CPNE8: variants seen among roughly 807,000 people sequenced by gnomAD.
CPNE8 encodes the protein copine-8.
CPNE8 carries 45 observed loss-of-function variants against 81.5 expected under a neutral mutation model. The ratio of observed to expected loss-of-function variants is 0.55; its 90% CI spans 0.44 to 0.71. CPNE8 has a LOEUF of 0.71. CPNE8 is among the 30% of genes least tolerant of loss of function. The probability of loss-of-function intolerance (pLI) is 0.00; values close to 1 mark genes in which losing one functional copy is unlikely to be tolerated. For synonymous variants in CPNE8, 252 were observed against 226.3 expected (o/e 1.11, Z -1.02); for missense variants, 594 against 672.1 (o/e 0.88, Z 1.28).
intron 13 of CPNE8, among the ~76,000 whole-genome samples, chr12:38,712,625 C>T (rs189512633): frequency 6.6e-6 from 1 of 152,274 alleles, no homozygotes; most frequent in East Asian, 1.9e-4. Context: ...AAGGAACTTA[C>T]TGATATTGAT....
At chr12:38,708,423 CA>C (rs1236784233) in intron 13 of CPNE8, among the ~76,000 whole-genome samples, 4 of 151,602 alleles carry the variant, frequency 2.6e-5, no homozygotes, top group African/African-American at 9.7e-5. Context: ...ACAGAATATT[CA>C]TAAAACAATC....
chr12:38,745,720 T>A (rs986496964), intron 10 of CPNE8, among the ~76,000 whole-genome samples: 1 of 152,072 alleles, frequency 6.6e-6, no homozygotes, highest in Non-Finnish European at 1.5e-5. Flanking sequence ...TTTAAAAAAA[T>A]TATTTGTAGA....
At chr12:38,848,488 AC>A in intron 4 of CPNE8, 70 bp downstream of exon 4, 1 of 1,471,972 alleles carries the variant, frequency 6.8e-7, no homozygotes, top group Non-Finnish European at 9.0e-7. Flanking sequence ...CAACCATAGG[AC>A]CCTGCCTTAC....
chr12:38,718,627 A>G (rs1223530789), intron 13 of CPNE8, among the ~76,000 whole-genome samples: 3 of 152,226 alleles, frequency 2.0e-5, no homozygotes, highest in African/African-American at 4.8e-5. Flanking sequence ...TAGCATTACA[A>G]TTTAGAAATA....
At chr12:38,714,371 G>T (rs60958114) in intron 13 of CPNE8, among the ~76,000 whole-genome samples, 8,397 of 151,910 alleles carry the variant, frequency 0.055, 503 homozygotes, top group East Asian at 0.32. Context: ...ATTTTAGGTA[G>T]ACAATTGTAT....
intron 6 of CPNE8, among the ~76,000 whole-genome samples, chr12:38,781,120 A>G (rs1942044405): frequency 6.6e-6 from 1 of 152,078 alleles, no homozygotes; most frequent in Non-Finnish European, 1.5e-5. Context: ...ATGAGTAAAT[A>G]TGTTTAAAAA....
At chr12:38,704,889 C>A (rs1331116159) in intron 13 of CPNE8, among the ~76,000 whole-genome samples, 1 of 107,936 alleles carries the variant, frequency 9.3e-6, no homozygotes, top group African/African-American at 3.3e-5. Flanking sequence ...TGGTTGTTAC[C>A]CAAACTTATT....
chr12:38,725,838 TA>T (rs34112673), intron 11 of CPNE8, among the ~76,000 whole-genome samples: 135,974 of 152,116 alleles, frequency 0.89, 62,326 homozygotes, highest in East Asian at 1. Flanking sequence ...GTTTGGGTGT[TA>T]ATTTAGTTGA....
intron 10 of CPNE8, among the ~76,000 whole-genome samples, chr12:38,732,998 T>G (rs1940868494): frequency 6.6e-6 from 1 of 151,954 alleles, no homozygotes; most frequent in Non-Finnish European, 1.5e-5. Flanking sequence ...TCTGTAAGAC[T>G]AAGAAAACAT....
At chr12:38,754,571 T>A (rs1592062440) in intron 10 of CPNE8, among the ~76,000 whole-genome samples, 1 of 151,664 alleles carries the variant, frequency 6.6e-6, no homozygotes, top group South Asian at 2.1e-4. Flanking sequence ...TTCTATTGAG[T>A]CATAAATAAA....
intron 19 of CPNE8, among the ~76,000 whole-genome samples, chr12:38,668,988 A>C (rs1939116954): frequency 6.6e-6 from 1 of 151,854 alleles, no homozygotes; most frequent in South Asian, 2.1e-4. Context: ...CAGGAGACGG[A>C]GCTTGCAGTG....
At chr12:38,888,922 G>T (rs1421683303) in intron 1 of CPNE8, among the ~76,000 whole-genome samples, 1 of 152,120 alleles carries the variant, frequency 6.6e-6, no homozygotes, top group Non-Finnish European at 1.5e-5. Context: ...TATGTGATGT[G>T]CCTTTCTTCT....
intron 3 of CPNE8, among the ~76,000 whole-genome samples, chr12:38,871,992 G>T (rs1374890505): frequency 6.6e-6 from 1 of 151,984 alleles, no homozygotes; most frequent in Non-Finnish European, 1.5e-5. Context: ...AAAATTAGCC[G>T]GGCATGGTGG....
intron 19 of CPNE8, among the ~76,000 whole-genome samples, chr12:38,657,945 C>G (rs1294038752): frequency 6.6e-6 from 1 of 152,090 alleles, no homozygotes; most frequent in Admixed American, 6.6e-5. Flanking sequence ...TGGGGAGAAA[C>G]CAAAGCAGAA....
intron 15 of CPNE8, among the ~76,000 whole-genome samples, chr12:38,691,425 C>T (rs1231177226): frequency 2.0e-5 from 3 of 151,998 alleles, no homozygotes; most frequent in Non-Finnish European, 2.9e-5. Context: ...GTATGTGACT[C>T]GATACTCAGT....
chr12:38,760,113 C>T (rs1420287550), intron 10 of CPNE8, among the ~76,000 whole-genome samples: 1 of 152,148 alleles, frequency 6.6e-6, no homozygotes, highest in South Asian at 2.1e-4. Flanking sequence ...GTAACCTTTG[C>T]TTTCCCATTT....
chr12:38,729,019 G>A (rs1940770279), intron 11 of CPNE8, among the ~76,000 whole-genome samples: 1 of 152,042 alleles, frequency 6.6e-6, no homozygotes, highest in Admixed American at 6.6e-5. Context: ...AAGCTTTATT[G>A]GACAAGAGAG....
chr12:38,727,555 A>C (rs948692128), intron 11 of CPNE8, among the ~76,000 whole-genome samples: 5 of 152,178 alleles, frequency 3.3e-5, no homozygotes, highest in Admixed American at 2.0e-4. Flanking sequence ...TTTCTGGAAA[A>C]GCTCCATTCA....
At chr12:38,777,282 A>G (rs1941956238) in intron 6 of CPNE8, among the ~76,000 whole-genome samples, 2 of 152,300 alleles carry the variant, frequency 1.3e-5, no homozygotes, top group East Asian at 3.9e-4. Context: ...AAATAAATAA[A>G]TAACTTAAAA....
Sources: allele counts gnomAD v4.1 joint callset (sites outside exome capture counted in the v4.1 genomes callset), GRCh38; gene constraint gnomAD v4.1.1; transcripts MANE v1.5; gene names NCBI Gene and HGNC (gene_info 2026-07-23, HGNC 2026-07-21).